Variants in MLXIP observed in about 807,000 individuals in gnomAD.
MLXIP encodes the protein MLX interacting protein.
A neutral mutation model predicts 87.2 loss-of-function variants in MLXIP; 30 were observed. That is an observed-to-expected ratio of 0.34 (90% CI 0.26 to 0.47). The LOEUF (loss-of-function observed/expected upper bound fraction) is 0.47, where lower values mean the gene tolerates loss of function less well. MLXIP is among the 20% of genes least tolerant of loss of function. MLXIP has a pLI of 1.00. For missense variants in MLXIP, 1,002 were observed against 1,240.1 expected (o/e 0.81, Z 2.88); for synonymous variants, 530 against 514.0 (o/e 1.03, Z -0.42).
At chr12:122,114,230 C>T (rs923329020) in intron 1 of MLXIP, among the ~76,000 whole-genome samples, 12 of 151,992 alleles carry the variant, frequency 7.9e-5, no homozygotes, top group African/African-American at 1.7e-4. Flanking sequence ...AGGTGATCCA[C>T]CCACCTCAGC....
intron 1 of MLXIP, among the ~76,000 whole-genome samples, chr12:122,113,197 A>G (rs541888273): frequency 6.6e-6 from 1 of 152,246 alleles, no homozygotes; most frequent in Non-Finnish European, 1.5e-5. Flanking sequence ...AAAATGGGTT[A>G]TAAAACAAAC....
intron 1 of MLXIP, among the ~76,000 whole-genome samples, chr12:122,108,324 C>T (rs118167940): frequency 2.1e-5 from 3 of 140,602 alleles, no homozygotes; most frequent in Non-Finnish European, 4.5e-5. Flanking sequence ...GCTGAGATAA[C>T]ACCACTGCAA....
At chr12:122,107,070 T>G (rs559481674) in intron 1 of MLXIP, among the ~76,000 whole-genome samples, 7 of 152,298 alleles carry the variant, frequency 4.6e-5, no homozygotes, top group Admixed American at 4.6e-4. Context: ...TGTGTTCTCC[T>G]CTGTCTGTCG....
At chr12:122,096,298 T>C (rs886158313) in intron 1 of MLXIP, among the ~76,000 whole-genome samples, 2 of 152,178 alleles carry the variant, frequency 1.3e-5, no homozygotes, top group East Asian at 1.9e-4. Flanking sequence ...GTACTACTAT[T>C]TATTTTCTCT....
intron 1 of MLXIP, among the ~76,000 whole-genome samples, chr12:122,114,128 C>T (rs1162948420): frequency 6.6e-6 from 1 of 152,000 alleles, no homozygotes; most frequent in African/African-American, 2.4e-5. Flanking sequence ...GCTGGGATTA[C>T]AGGCATGTGC....
rs1325799396 is a variant in MLXIP, at chr12:122,078,760, G to T, written c.-94G>T. On this transcript the variant is annotated 5_prime_UTR_variant, in exon 1 of 17. Coordinates refer to ENST00000319080, the MANE Select transcript of MLXIP (RefSeq NM_014938.6). Reference sequence around the variant, plus strand: ...CCGCGCCGCGCGCTCGCGGACAGTCGGCGCGCGGGCCGGGCCGGGCCGGCG... The same window carrying T: ...CCGCGCCGCGCGCTCGCGGACAGTCTGCGCGCGGGCCGGGCCGGGCCGGCG... The T allele has an allele frequency of 2.0e-6, 2 of 1,000,562 alleles. No individual in the cohort carries two copies. The highest frequency in any genetic ancestry group is 9.9e-5 in the East Asian group (1 of 10,142). 62.0% of individuals were successfully genotyped at this position (1,000,562 alleles called of 1,614,324 possible).
intron 1 of MLXIP, among the ~76,000 whole-genome samples, chr12:122,094,343 GGT>G (rs1336382458): frequency 7.2e-6 from 1 of 139,062 alleles, no homozygotes; most frequent in East Asian, 2.3e-4. Context: ...GGTGTGTATG[GGT>G]GTGTGTATGT....
chr12:122,110,946 G>T (rs928197465), intron 1 of MLXIP, among the ~76,000 whole-genome samples: 1 of 151,604 alleles, frequency 6.6e-6, no homozygotes, highest in South Asian at 2.1e-4. Context: ...GCGTGGTGGC[G>T]GGCGCCTGTA....
At chr12:122,081,494 G>C (rs942812271) in intron 1 of MLXIP, among the ~76,000 whole-genome samples, 1 of 152,168 alleles carries the variant, frequency 6.6e-6, no homozygotes, top group Non-Finnish European at 1.5e-5. Context: ...CTCCTAGTGA[G>C]AACTGCTACC....
Position 122,137,724 on chromosome 12 carries a change from G to C in MLXIP, c.2154+134G>C. On this transcript the variant is annotated intron_variant, in intron 12 of 16. Transcript: ENST00000319080. This position sits in a 1 kb window ranked among gnomAD's most constrained non-coding sequence, Gnocchi z 4.1. Reference sequence around the variant, plus strand: ...CCAGGCAGGGGTGGATCAGAAATGGGCTTCTCCTTGCCCCATGCCACGAAC... The same window carrying C: ...CCAGGCAGGGGTGGATCAGAAATGGCCTTCTCCTTGCCCCATGCCACGAAC... 1 of 1,400,078 alleles carries C rather than the reference G, an allele frequency of 7.1e-7. No individual in the cohort carries two copies. Among genetic ancestry groups the C allele is most frequent in the South Asian group, 1.4e-5 (1 of 73,752 alleles). 86.7% of individuals were successfully genotyped at this position (1,400,078 alleles called of 1,614,324 possible).
chr12:122,140,785 G>A (rs1333291155), intron 15 of MLXIP, 169 bp from the exon 16 acceptor site: 1 of 1,028,944 alleles, frequency 9.7e-7, no homozygotes, highest in Non-Finnish European at 1.5e-6. Context: ...TCATGAAGTG[G>A]AAGACACACC....
chr12:122,078,930 T>C lies in MLXIP; in HGVS notation c.77T>C (p.Val26Ala), dbSNP rs749974914. The change falls in exon 1 of 17, where the codon GTG (valine) becomes GCG (alanine). Residue 26 changes from valine to alanine, a missense_variant. By Grantham distance (64) the Val-to-Ala change is moderately conservative (BLOSUM62 0). Coordinates refer to ENST00000319080, the MANE Select transcript of MLXIP (RefSeq NM_014938.6). ...RGRQVLLKPQ[V>A]SEDDDDSDTD... ...CGCCAGGTGCTGCTCAAGCCCCAGG[T>C]GTCCGAGGACGACGACGACTCGGAC... 3 of 1,123,638 alleles carry C rather than the reference T, an allele frequency of 2.7e-6. No homozygotes were observed. The South Asian group carries it at 8.3e-5, about 31-fold the overall frequency. The allele number at this position is 1,123,638 out of a possible 1,614,324, so 69.6% of individuals were successfully genotyped here.
At chr12:122,100,790 G>A (rs1952424674) in intron 1 of MLXIP, among the ~76,000 whole-genome samples, 1 of 152,216 alleles carries the variant, frequency 6.6e-6, no homozygotes, top group African/African-American at 2.4e-5. Flanking sequence ...TCTGAGTCAA[G>A]TGCACAGACC....
intron 9 of MLXIP, chr12:122,134,949 C>G (rs1251371776): frequency 7.4e-6 from 3 of 403,140 alleles, no homozygotes; most frequent in Non-Finnish European, 1.4e-5. Context: ...GCTGGGATTA[C>G]AGATGTGAGC....
Position 122,130,829 on chromosome 12 carries a change from C to A in MLXIP, c.911-15C>A. The A allele has an allele frequency of 6.3e-7, 1 of 1,597,384 alleles. No individual in the cohort carries two copies. Among genetic ancestry groups the A allele is most frequent in the Non-Finnish European group, 8.6e-7 (1 of 1,164,942 alleles). On this transcript the variant is annotated splice_polypyrimidine_tract_variant and intron_variant, in intron 6 of 16. Transcript: ENST00000319080. ...TGAGAAGACAAAATGGTTCCTCTCT[C>A]TGTGATTCTTGCAGCACATCTGGGA...
rs59587186 is a variant in MLXIP at position 122,135,159 on chromosome 12, C to G, written c.1733-65C>G. The G allele has an allele frequency of 1.3e-6, 2 of 1,588,746 alleles. No individual in the cohort carries two copies. Among genetic ancestry groups the G allele is most frequent in the Admixed American group, 1.8e-5 (1 of 56,314 alleles). On this transcript the variant is annotated intron_variant, in intron 9 of 16. Transcript: ENST00000319080. The surrounding 1 kb of genome is among the most constrained non-coding windows in gnomAD (Gnocchi z 5.3). ...GCTGTCTCACTGGCAGAGAGGCAGCCTCTGCAGGGTGGGCCAGGCCCTGTG... is the reference window on the plus strand; with the variant it reads ...GCTGTCTCACTGGCAGAGAGGCAGCGTCTGCAGGGTGGGCCAGGCCCTGTG...
intron 1 of MLXIP, among the ~76,000 whole-genome samples, chr12:122,085,350 A>C (rs1273721025): frequency 6.6e-6 from 1 of 151,894 alleles, no homozygotes; most frequent in African/African-American, 2.4e-5. Context: ...GAATCATCTG[A>C]TGGATTGAAA....
At chr12:122,132,451 C>G in intron 8 of MLXIP, 68 bp downstream of exon 8, 1 of 1,305,074 alleles carries the variant, frequency 7.7e-7, no homozygotes, top group Non-Finnish European at 1.1e-6. Context: ...CAAAGGTTTG[C>G]TGCCAGAGCA....
intron 1 of MLXIP, among the ~76,000 whole-genome samples, chr12:122,101,787 G>C (rs941397015): frequency 2.0e-5 from 3 of 151,972 alleles, no homozygotes; most frequent in African/African-American, 7.3e-5. Context: ...CACCATGTTA[G>C]TCAGGCTGGT....
Sources: allele counts gnomAD v4.1 joint callset (sites outside exome capture counted in the v4.1 genomes callset), GRCh38; gene constraint gnomAD v4.1.1; non-coding constraint Gnocchi (gnomAD v3.1); transcripts MANE v1.5; gene names NCBI Gene and HGNC (gene_info 2026-07-23, HGNC 2026-07-21).